SLC18A2: variants seen among roughly 807,000 people sequenced by gnomAD.
The protein encoded by SLC18A2 is solute carrier family 18 member A2.
A neutral mutation model predicts 59.2 loss-of-function variants in SLC18A2; 33 were observed. That is an observed-to-expected ratio of 0.56 (90% confidence interval 0.42 to 0.75). SLC18A2 has a LOEUF of 0.75. SLC18A2 is among the 30% of genes least tolerant of loss of function. SLC18A2 has a pLI of 0.00. For synonymous variants in SLC18A2, 228 were observed against 253.5 expected (o/e 0.90, Z 0.95); for missense variants, 569 against 668.6 (o/e 0.85, Z 1.64).
At chr10:117,261,390 C>T (rs193023771) in intron 10 of SLC18A2, among the ~76,000 whole-genome samples, 2 of 152,314 alleles carry the variant, frequency 1.3e-5, no homozygotes, top group East Asian at 3.9e-4. Context: ...TGACCGCAAT[C>T]TCTGCCTCCT....
chr10:117,277,116 T>A (rs558931097), intron 15 of SLC18A2, 46 bp from the exon 16 acceptor site: 1 of 1,101,944 alleles, frequency 9.1e-7, no homozygotes, highest in East Asian at 2.4e-5. Context: ...CCATCTTATC[T>A]TTATGAAACA....
chr10:117,255,239 T>C (rs761285683), intron 6 of SLC18A2, 38 bp from the exon 7 acceptor site: 6 of 1,555,234 alleles, frequency 3.9e-6, no homozygotes, highest in Non-Finnish European at 4.4e-6. Flanking sequence ...AGAGGGCATG[T>C]GTCCCAGGGG....
Position 117,254,072 on chromosome 10 carries a change from C to T in SLC18A2, c.548C>T (p.Ala183Val). The T allele has an allele frequency of 6.2e-7, 1 of 1,613,710 alleles. No individual in the cohort carries two copies. The highest frequency in any genetic ancestry group is 2.2e-5 in the East Asian group (1 of 44,870). ...TIMFAFSSSY[A>V]FLLIARSLQG... Reference sequence around the variant, plus strand: ...GTGTTTGCCTTCTCCAGCAGCTATGCCTTCCTGCTGATTGCCAGGTCGCTG... The same window carrying T: ...GTGTTTGCCTTCTCCAGCAGCTATGTCTTCCTGCTGATTGCCAGGTCGCTG... Residue 183 changes from alanine to valine, a missense_variant, in exon 5 of 16, where the codon GCC (alanine) becomes GTC (valine). Coordinates refer to ENST00000644641, the MANE Select transcript of SLC18A2 (RefSeq NM_003054.6).
At position 117,269,355 on chromosome 10, in the gene SLC18A2, CACATAT is replaced by C. The variant is rs1423197536; in HGVS notation, c.1187-710_1187-705del. On this transcript the variant is annotated intron_variant, in intron 13 of 15. Transcript: ENST00000644641. The surrounding 1 kb of genome is among the most constrained non-coding windows in gnomAD (Gnocchi z 5.1). ...TAATACACATACACACATGCATACACACATATACATAGACATACACAGATACATATA... is the reference window on the plus strand; with the variant it reads ...TAATACACATACACACATGCATACACACATAGACATACACAGATACATATA... Among the ~76,000 whole-genome samples the C allele has an allele frequency of 2.6e-5, 4 of 151,870 alleles. No homozygotes were observed. In the East Asian group the frequency reaches 7.7e-4, roughly 29 times the overall value.
chr10:117,243,161 T>C (rs575521610), intron 2 of SLC18A2, among the ~76,000 whole-genome samples: 1 of 152,378 alleles, frequency 6.6e-6, no homozygotes, highest in Admixed American at 6.5e-5. Context: ...TCCAAGTTAT[T>C]ACTTCCTGCA....
In SLC18A2 at chr10:117,257,865, A is replaced by T; in HGVS notation, c.964A>T (p.Thr322Ser). The T allele has an allele frequency of 1.2e-6, 2 of 1,611,896 alleles. No homozygotes were observed. Among genetic ancestry groups the T allele is most frequent in the Non-Finnish European group, 8.5e-7 (1 of 1,178,912 alleles). Residue 322 changes from threonine (T) to serine (S), a missense_variant, in exon 10 of 16, where the codon ACC (threonine) becomes TCC (serine). By Grantham distance (58) the Thr-to-Ser change is moderately conservative (BLOSUM62 1). This residue lies in a region of SLC18A2 where 192 missense variants were observed against 278.8 expected (regional missense o/e 0.69). Transcript: ENST00000644641. ...EPALPIWMME[T>S]MCSRKWQLGV... ...AGCCCTGCCCATCTGGATGATGGAG[A>T]CCATGTGTTCCCGAAAGTGGCAGCT...
At chr10:117,249,351 G>A (rs1844138703) in intron 3 of SLC18A2, among the ~76,000 whole-genome samples, 1 of 152,252 alleles carries the variant, frequency 6.6e-6, no homozygotes, top group Admixed American at 6.5e-5. Flanking sequence ...CGTGCCCCCT[G>A]GAATTCTCTG....
At position 117,254,460 on chromosome 10, in the gene SLC18A2, G is replaced by A; in HGVS notation, c.663G>A (p.Met221Ile). 4 of 1,610,432 alleles carry A rather than the reference G, an allele frequency of 2.5e-6. No individual in the cohort carries two copies. The highest frequency in any genetic ancestry group is 1.7e-4 in the Middle Eastern group (1 of 6,024). ...ATGATGAAGAGAGAGGCAACGTCATGGGAATCGCCTTGGGAGGCCTGGCCA... is the reference window on the plus strand; with the variant it reads ...ATGATGAAGAGAGAGGCAACGTCATAGGAATCGCCTTGGGAGGCCTGGCCA... ...YTDDEERGNV[M>I]GIALGGLAMG... is the part of the protein sequence containing the mutation. The change falls in exon 6 of 16, where the codon ATG becomes ATA. Residue 221 changes from methionine to isoleucine, a missense_variant. Physicochemically the swap from Met to Ile is conservative, Grantham distance 10. Coordinates refer to ENST00000644641, the MANE Select transcript of SLC18A2 (RefSeq NM_003054.6).
chr10:117,256,801 G>A (rs763828653), intron 9 of SLC18A2, among the ~76,000 whole-genome samples: 4 of 152,146 alleles, frequency 2.6e-5, no homozygotes, highest in African/African-American at 9.7e-5. Context: ...GGTGAGGGAC[G>A]GGGGCTCCAG....
chr10:117,260,944 A>G (rs560510117), intron 10 of SLC18A2, among the ~76,000 whole-genome samples: 32 of 152,316 alleles, frequency 2.1e-4, no homozygotes, highest in African/African-American at 7.5e-4. Context: ...CCTTAACTCT[A>G]AACATCTCAT....
intron 3 of SLC18A2, among the ~76,000 whole-genome samples, chr10:117,245,199 G>T (rs1437397468): frequency 6.6e-6 from 1 of 152,212 alleles, no homozygotes. Flanking sequence ...GGGCTGCCAA[G>T]TGCGCAGTGT....
chr10:117,279,043 C>T lies in SLC18A2; in HGVS notation c.*1777C>T, dbSNP rs1445598415. The T allele has an allele frequency of 6.6e-6, 1 of 152,186 alleles. No homozygotes were observed. Among genetic ancestry groups the T allele is most frequent in the Non-Finnish European group, 1.5e-5 (1 of 68,044 alleles). 9.4% of individuals were successfully genotyped at this position (152,186 alleles called of 1,614,324 possible). A position where few individuals can be genotyped will look rare whatever the true frequency, so the allele number is the denominator to read the frequency against. On this transcript the variant is annotated 3_prime_UTR_variant, in exon 16 of 16. Transcript: ENST00000644641. The stretch of plus-strand genomic sequence containing the variant: ...TGCAATTTTATTTTTGCCTTTACGG[C>T]TCTGTGTCTTTCTGCAAGAAGGCCT...
intron 2 of SLC18A2, 180 bp downstream of exon 2, chr10:117,241,994 G>T: frequency 1.9e-6 from 1 of 533,950 alleles, no homozygotes; most frequent in Non-Finnish European, 3.2e-6. Context: ...GAGCCGCGTT[G>T]TGTGGCTTCG....
At chr10:117,266,854 T>A in intron 11 of SLC18A2, 43 bp downstream of exon 11, 1 of 1,573,426 alleles carries the variant, frequency 6.4e-7, no homozygotes, top group Non-Finnish European at 8.7e-7. Flanking sequence ...TACAATAATG[T>A]AGTTCTTTCA....
Position 117,260,472 on chromosome 10 carries a change from C to T in SLC18A2, c.991+2580C>T, listed in dbSNP as rs373432346. On this transcript the variant is annotated intron_variant, in intron 10 of 15. Coordinates refer to ENST00000644641, the MANE Select transcript of SLC18A2 (RefSeq NM_003054.6). Reference sequence around the variant, plus strand: ...GTATTGTCCCTTCTCCTCTCCCACTCTGTTTGTCCTCAGGAAGGTATGGGG... The same window carrying T: ...GTATTGTCCCTTCTCCTCTCCCACTTTGTTTGTCCTCAGGAAGGTATGGGG... 1.4e-3 allele frequency among the ~76,000 whole-genome samples: 212 copies of T among 152,228 alleles called. 1 individual carries two copies. The highest frequency in any genetic ancestry group is 4.7e-3 in the African/African-American group (194 of 41,536).
rs1844402528 is a variant in SLC18A2 at position 117,269,750 on chromosome 10, T to C, written c.1187-321T>C. Among the ~76,000 whole-genome samples, 1 of 152,170 alleles carries C rather than the reference T, an allele frequency of 6.6e-6. No homozygotes were observed. Among genetic ancestry groups the C allele is most frequent in the South Asian group, 2.1e-4 (1 of 4,834 alleles). ...AAATGGTGCTTGCTGCTTCCTAATA[T>C]GTACAAGTGCTGGGGATATGGGTGA... On this transcript the variant is annotated intron_variant, in intron 13 of 15. Transcript: ENST00000644641. This position sits in a 1 kb window ranked among gnomAD's most constrained non-coding sequence, Gnocchi z 5.1.
At chr10:117,252,499 T>C (rs1844175818) in intron 3 of SLC18A2, among the ~76,000 whole-genome samples, 1 of 152,124 alleles carries the variant, frequency 6.6e-6, no homozygotes, top group African/African-American at 2.4e-5. Context: ...CACTGTTGGC[T>C]TCCTCTCAAG....
At chr10:117,258,567 AATTTT>A (rs1241475482) in intron 10 of SLC18A2, among the ~76,000 whole-genome samples, 1 of 50,918 alleles carries the variant, frequency 2.0e-5, no homozygotes, top group African/African-American at 4.7e-5. Context: ...AAACTAATTA[AATTTT>A]ATTTTTTTTT....
chr10:117,245,739 G>A (rs750153947), intron 3 of SLC18A2, among the ~76,000 whole-genome samples: 3 of 152,058 alleles, frequency 2.0e-5, no homozygotes, highest in African/African-American at 7.2e-5. Context: ...AGGAAGCCTG[G>A]GGTGGTGGCT....
Sources: allele counts gnomAD v4.1 joint callset (sites outside exome capture counted in the v4.1 genomes callset), GRCh38; gene constraint gnomAD v4.1.1; regional missense constraint gnomAD v4.1.1; non-coding constraint Gnocchi (gnomAD v3.1); transcripts MANE v1.5; gene names NCBI Gene and HGNC (gene_info 2026-07-23, HGNC 2026-07-21).